TENM2: variants seen among roughly 807,000 people sequenced by gnomAD.
The protein encoded by TENM2 is teneurin transmembrane protein 2.
In TENM2, 52 loss-of-function variants were observed where a neutral mutation model predicts 245.2. That is an observed-to-expected ratio of 0.21 (90% CI 0.17 to 0.27). The LOEUF is 0.27. TENM2 is among the 10% of genes least tolerant of loss of function. The pLI is 1.00. For synonymous variants in TENM2, 1,363 were observed against 1,438.9 expected (o/e 0.95, Z 1.19); for missense variants, 3,046 against 3,666.8 (o/e 0.83, Z 4.37).
the TENM2 span, among the ~76,000 whole-genome samples, chr5:167,262,273 G>A: frequency 3.3e-5 from 5 of 151,734 alleles, no homozygotes; most frequent in South Asian, 2.1e-4. Flanking sequence ...CAGGAGAATC[G>A]CTTGAACCTG....
the TENM2 span, among the ~76,000 whole-genome samples, chr5:167,026,206 G>GC: frequency 1.3e-5 from 2 of 152,156 alleles, no homozygotes; most frequent in African/African-American, 4.8e-5. Flanking sequence ...GTTTGATTTT[G>GC]CCCACTGCAG....
At chr5:167,333,761 C>T (rs1757595274) in intron 1 of TENM2, among the ~76,000 whole-genome samples, 1 of 152,124 alleles carries the variant, frequency 6.6e-6, no homozygotes, top group South Asian at 2.1e-4. Flanking sequence ...AAGAGTAGGT[C>T]TCAAAACAAC....
At chr5:168,199,000 C>T in exon 16 of TENM2, 1 of 1,613,994 alleles carries the variant, frequency 6.2e-7, no homozygotes. Flanking sequence ...AGAACTCCAT[C>T]CCCAGCTGTG....
At chr5:167,115,008 A>G in the TENM2 span, among the ~76,000 whole-genome samples, 1 of 152,230 alleles carries the variant, frequency 6.6e-6, no homozygotes, top group African/African-American at 2.4e-5. Context: ...GCATCAGGTG[A>G]GAGTACAGGA....
chr5:168,033,162 A>C (rs965477552), intron 5 of TENM2: 4 of 152,228 alleles, frequency 2.6e-5, no homozygotes, highest in African/African-American at 9.6e-5. Flanking sequence ...CCTGTCTACT[A>C]TAAGTCTTTG....
At chr5:168,059,439 A>T (rs181429032) in intron 6 of TENM2, among the ~76,000 whole-genome samples, 103 of 152,326 alleles carry the variant, frequency 6.8e-4, no homozygotes, top group African/African-American at 2.3e-3. Context: ...TTATTAAGTT[A>T]AAGATGAATC....
At position 167,823,151 on chromosome 5, in the gene TENM2, G is replaced by A. The variant is rs565167820; in HGVS notation, c.503-52835G>A. Among the ~76,000 whole-genome samples, 4 of 152,032 alleles carry A rather than the reference G, an allele frequency of 2.6e-5. No homozygotes were observed. In the East Asian group the frequency reaches 7.7e-4, roughly 29 times the overall value. On this transcript the variant is annotated intron_variant, in intron 2 of 28. Coordinates refer to ENST00000518659, the Ensembl canonical transcript of TENM2. ...TAGTGCTAGTTTGCCTTTGGCCTGT[G>A]ATGGGAAATTTCCCTTTTTTTTGTA...
At chr5:167,060,468 T>C in the TENM2 span, among the ~76,000 whole-genome samples, 1 of 151,856 alleles carries the variant, frequency 6.6e-6, no homozygotes. Context: ...CTGGCCAACA[T>C]GGTGAAACCC....
At chr5:167,670,027 T>TAAAAA (rs903022774) in intron 2 of TENM2, among the ~76,000 whole-genome samples, 3 of 152,158 alleles carry the variant, frequency 2.0e-5, no homozygotes, top group Non-Finnish European at 4.4e-5. Flanking sequence ...AGGAAGGTAA[T>TAAAAA]ACCCTCAGAG....
chr5:167,144,347 T>A, the TENM2 span, among the ~76,000 whole-genome samples: 1 of 152,186 alleles, frequency 6.6e-6, no homozygotes, highest in African/African-American at 2.4e-5. Flanking sequence ...GGGTGCACAC[T>A]CTAGCTGTTA....
At chr5:168,034,490 T>C (rs1290143076) in intron 5 of TENM2, among the ~76,000 whole-genome samples, 1 of 151,846 alleles carries the variant, frequency 6.6e-6, no homozygotes, top group Non-Finnish European at 1.5e-5. Flanking sequence ...CCAGGACTTT[T>C]GAAGGCTGTG....
chr5:167,662,665 T>G (rs1465953405), intron 2 of TENM2, among the ~76,000 whole-genome samples: 1 of 152,244 alleles, frequency 6.6e-6, no homozygotes, highest in Non-Finnish European at 1.5e-5. Context: ...TTTGTTTTTA[T>G]TTACCCACAT....
At chr5:167,333,723 A>G (rs1370260249) in intron 1 of TENM2, among the ~76,000 whole-genome samples, 2 of 152,202 alleles carry the variant, frequency 1.3e-5, no homozygotes, top group Non-Finnish European at 2.9e-5. Context: ...ATGGGGATCA[A>G]TCAACATGAC....
At chr5:167,398,539 C>T (rs1211274540) in intron 2 of TENM2, among the ~76,000 whole-genome samples, 1 of 151,646 alleles carries the variant, frequency 6.6e-6, no homozygotes, top group African/African-American at 2.4e-5. Flanking sequence ...TCAAGTGATT[C>T]TCCTGCCTCA....
chr5:167,118,530 G>A, the TENM2 span, among the ~76,000 whole-genome samples: 2 of 152,172 alleles, frequency 1.3e-5, no homozygotes, highest in East Asian at 3.9e-4. Context: ...TTATATATTA[G>A]TGCTGGGTCT....
chr5:167,100,352 G>T, the TENM2 span, among the ~76,000 whole-genome samples: 1 of 152,068 alleles, frequency 6.6e-6, no homozygotes, highest in African/African-American at 2.4e-5. Flanking sequence ...GGTGATGCTG[G>T]ATGTCTCCTG....
At chr5:167,080,605 G>A in the TENM2 span, among the ~76,000 whole-genome samples, 7 of 151,520 alleles carry the variant, frequency 4.6e-5, no homozygotes, top group East Asian at 1.9e-4. Context: ...GCCTTTCCTC[G>A]GGATGCTAAA....
At chr5:167,653,500 C>A (rs1754615554) in intron 2 of TENM2, 1 of 152,142 alleles carries the variant, frequency 6.6e-6, no homozygotes, top group South Asian at 2.1e-4. Flanking sequence ...TAAATACTAT[C>A]TCATATTTCC....
At position 167,457,282 on chromosome 5, in the gene TENM2, T is replaced by TTA. The variant is rs1554158708; in HGVS notation, c.502+81810_502+81811insAT. ...AGATAATTTAAGTTCACTGACCTGC[T>TTA]TTTTATTTTATTTTATTTTATTTTA... On this transcript the variant is annotated intron_variant, in intron 2 of 28. Transcript: ENST00000518659. Among the ~76,000 whole-genome samples, 9 of 129,972 alleles carry TTA rather than the reference T, an allele frequency of 6.9e-5. No homozygotes were observed. The Admixed American group carries it at 7.2e-4, about 10-fold the overall frequency. The allele number at this position is 129,972 out of a possible 152,430, so 85.3% of individuals were successfully genotyped here. A position where few individuals can be genotyped will look rare whatever the true frequency, so the allele number is the denominator to read the frequency against.
Sources: allele counts gnomAD v4.1 joint callset (sites outside exome capture counted in the v4.1 genomes callset), GRCh38; gene constraint gnomAD v4.1.1; transcripts MANE v1.5; gene names NCBI Gene and HGNC (gene_info 2026-07-23, HGNC 2026-07-21).